SYNPO2: variants seen among roughly 807,000 people sequenced by gnomAD.
SYNPO2 encodes synaptopodin 2, also known as synaptopodin-2.
Under a neutral mutation model 85.0 loss-of-function variants are expected in SYNPO2, and 56 were observed. The observed-to-expected ratio is 0.66, with a 90% CI of 0.53 to 0.82. SYNPO2 has a LOEUF of 0.82. Ranked by LOEUF, SYNPO2 falls within the 40% of genes least tolerant of loss-of-function variation. The pLI is 0.00. For synonymous variants in SYNPO2, 602 were observed against 591.1 expected (o/e 1.02, Z -0.27); for missense variants, 1,575 against 1,534.2 (o/e 1.03, Z -0.44).
intron 1 of SYNPO2, among the ~76,000 whole-genome samples, chr4:118,951,868 A>T (rs1359752626): frequency 1.3e-5 from 2 of 152,200 alleles, no homozygotes; most frequent in Admixed American, 1.3e-4. Context: ...TGTGGCTAAG[A>T]TGTGCAACCA....
At chr4:118,976,060 GA>G (rs1735715833) in intron 1 of SYNPO2, among the ~76,000 whole-genome samples, 1 of 152,230 alleles carries the variant, frequency 6.6e-6, no homozygotes, top group African/African-American at 2.4e-5. Flanking sequence ...TAACTGGATT[GA>G]CTCTAGTGAC....
chr4:118,888,117 A>C (rs57672192), upstream of SYNPO2, among the ~76,000 whole-genome samples: 21,415 of 152,216 alleles, frequency 0.14, 1,783 homozygotes, highest in Non-Finnish European at 0.19. Flanking sequence ...TGTACATTTT[A>C]TGCAGTTGAC....
intron 1 of SYNPO2, among the ~76,000 whole-genome samples, chr4:119,015,446 A>G (rs899196556): frequency 6.6e-6 from 1 of 152,168 alleles, no homozygotes; most frequent in African/African-American, 2.4e-5. Context: ...GTCTAGAGCT[A>G]TAGAAAAACA....
upstream of SYNPO2, among the ~76,000 whole-genome samples, chr4:118,888,294 C>T (rs994797309): frequency 1.3e-5 from 2 of 152,190 alleles, no homozygotes; most frequent in African/African-American, 2.4e-5. Context: ...TCTGTCTCTT[C>T]TCTTCCCCTT....
exon 1 of SYNPO2, chr4:118,850,751 A>G (rs1731408470): frequency 5.0e-6 from 2 of 398,520 alleles, no homozygotes; most frequent in Admixed American, 4.4e-5. Flanking sequence ...GGTGAAGTAA[A>G]GATCTGAATT....
chr4:118,941,412 A>T (rs778464195), intron 1 of SYNPO2, among the ~76,000 whole-genome samples: 18 of 152,216 alleles, frequency 1.2e-4, no homozygotes, highest in Non-Finnish European at 2.5e-4. Context: ...AACCAGAAGG[A>T]TCTTCCTAAT....
chr4:118,978,152 C>T (rs908240264), intron 1 of SYNPO2, among the ~76,000 whole-genome samples: 1 of 152,176 alleles, frequency 6.6e-6, no homozygotes, highest in Non-Finnish European at 1.5e-5. Flanking sequence ...CTAGTTGCAA[C>T]TTGCTTCTTG....
intron 1 of SYNPO2, among the ~76,000 whole-genome samples, chr4:118,854,682 CAT>C (rs1253243644): frequency 6.6e-6 from 1 of 152,020 alleles, no homozygotes; most frequent in Non-Finnish European, 1.5e-5. Context: ...AATTAACAAA[CAT>C]ATAAAGGAGG....
chr4:118,976,656 A>G (rs905331247), intron 1 of SYNPO2, among the ~76,000 whole-genome samples: 1 of 152,162 alleles, frequency 6.6e-6, no homozygotes, highest in African/African-American at 2.4e-5. Flanking sequence ...CAGAGTTTCC[A>G]CACACAGGTT....
In SYNPO2 at chr4:119,000,803, T is replaced by G. The variant is rs1469251955; in HGVS notation, c.106-22627T>G. Reference sequence around the variant, plus strand: ...TTTAATTCCACTTCTTAGAATTCAATTATGTCATTTGCAGAGAGGGTCCAT... The same window carrying G: ...TTTAATTCCACTTCTTAGAATTCAAGTATGTCATTTGCAGAGAGGGTCCAT... On this transcript the variant is annotated intron_variant, in intron 1 of 4. Coordinates refer to ENST00000307142, the MANE Select transcript of SYNPO2 (RefSeq NM_133477.3). Among the ~76,000 whole-genome samples the G allele has an allele frequency of 2.0e-5, 3 of 152,248 alleles. No homozygotes were observed. The East Asian group carries it at 5.8e-4, about 29-fold the overall frequency.
At chr4:118,888,713 C>T (rs1732255635), upstream of SYNPO2, 1 of 349,502 alleles carries the variant, frequency 2.9e-6, no homozygotes, top group Non-Finnish European at 5.2e-6. Flanking sequence ...CTTATCTCGC[C>T]CCACGTGAGG....
At chr4:118,879,115 C>T (rs1484228322) in intron 1 of SYNPO2, among the ~76,000 whole-genome samples, 2 of 152,116 alleles carry the variant, frequency 1.3e-5, no homozygotes, top group Non-Finnish European at 2.9e-5. Context: ...AACAAGACCA[C>T]AGAACTCGCC....
chr4:118,861,576 C>G (rs982848032), intron 1 of SYNPO2, among the ~76,000 whole-genome samples: 9 of 152,122 alleles, frequency 5.9e-5, no homozygotes, highest in African/African-American at 2.2e-4. Context: ...TCCAGTTTCC[C>G]CAGCACCATT....
intron 1 of SYNPO2, among the ~76,000 whole-genome samples, chr4:118,923,586 A>G (rs138097347): frequency 1.0e-3 from 158 of 152,306 alleles, no homozygotes; most frequent in Admixed American, 3.7e-3. Context: ...TTTCTGCCAT[A>G]TTGCACAAGT....
intron 1 of SYNPO2, among the ~76,000 whole-genome samples, chr4:119,006,806 G>C (rs1380157): frequency 0.46 from 70,494 of 151,778 alleles, 16,381 homozygotes; most frequent in South Asian, 0.6. Flanking sequence ...GTATAGCCAG[G>C]GTATTGCAAC....
intron 4 of SYNPO2, chr4:119,032,929 T>TGCC: frequency 1.1e-6 from 1 of 905,322 alleles, no homozygotes; most frequent in Non-Finnish European, 1.3e-6. Context: ...AAAGGTTGAT[T>TGCC]CCCACCCTCC....
chr4:118,857,141 T>C (rs1731520794), intron 1 of SYNPO2, among the ~76,000 whole-genome samples: 1 of 152,206 alleles, frequency 6.6e-6, no homozygotes, highest in Non-Finnish European at 1.5e-5. Flanking sequence ...CCACAGGATC[T>C]ATCATCCATG....
intron 1 of SYNPO2, among the ~76,000 whole-genome samples, chr4:118,926,944 C>A (rs1310593875): frequency 6.6e-6 from 1 of 152,106 alleles, no homozygotes; most frequent in Non-Finnish European, 1.5e-5. Context: ...ACTTGGTTAA[C>A]GGGATACTGA....
chr4:118,973,272 A>G (rs1488088898), intron 1 of SYNPO2, among the ~76,000 whole-genome samples: 1 of 152,170 alleles, frequency 6.6e-6, no homozygotes, highest in Non-Finnish European at 1.5e-5. Flanking sequence ...AAATTATAGT[A>G]CCTCAAATAT....
Sources: allele counts gnomAD v4.1 joint callset (sites outside exome capture counted in the v4.1 genomes callset), GRCh38; gene constraint gnomAD v4.1.1; transcripts MANE v1.5; gene names NCBI Gene and HGNC (gene_info 2026-07-23, HGNC 2026-07-21).